Variants in EBF2 observed in about 807,000 individuals in gnomAD.
EBF2 encodes transcription factor COE2.
EBF2 carries 21 observed loss-of-function variants against 72.8 expected under a neutral mutation model. The ratio of observed to expected loss-of-function variants is 0.29; its 90% CI spans 0.20 to 0.42. EBF2 has a LOEUF of 0.42. Among genes scored for constraint, EBF2 ranks in the 10% least tolerant of loss-of-function variants. EBF2 has a pLI of 1.00. For synonymous variants in EBF2, 299 were observed against 274.2 expected, an observed-to-expected ratio of 1.09 and a Z score of -0.89; for missense variants, 637 against 731.2, an observed-to-expected ratio of 0.87 and a Z score of 1.49.
chr8:25,959,509 A>G (rs956196714), intron 6 of EBF2, among the ~76,000 whole-genome samples: 2 of 152,308 alleles, frequency 1.3e-5, no homozygotes, highest in African/African-American at 2.4e-5. Flanking sequence ...CTGGCCTAAG[A>G]TATCTTTTTA....
At chr8:25,881,698 A>G (rs566639924) in intron 10 of EBF2, among the ~76,000 whole-genome samples, 3 of 152,314 alleles carry the variant, frequency 2.0e-5, no homozygotes, top group African/African-American at 7.2e-5. Flanking sequence ...TACCTGCCCA[A>G]ATGTTGCATT....
At chr8:26,000,796 C>T (rs192755108) in intron 6 of EBF2, among the ~76,000 whole-genome samples, 1 of 152,316 alleles carries the variant, frequency 6.6e-6, no homozygotes, top group Non-Finnish European at 1.5e-5. Context: ...ATTAGCCAGG[C>T]GTTTGTTCTT....
At chr8:25,892,883 C>T (rs6987148) in intron 7 of EBF2, among the ~76,000 whole-genome samples, 65,622 of 152,000 alleles carry the variant, frequency 0.43, 16,114 homozygotes, top group East Asian at 0.72. Flanking sequence ...GCCTGTCTAG[C>T]GCTGTGTCTG....
intron 14 of EBF2, among the ~76,000 whole-genome samples, chr8:25,854,341 T>C (rs1802041671): frequency 6.6e-6 from 1 of 152,166 alleles, no homozygotes; most frequent in Admixed American, 6.5e-5. Flanking sequence ...CTCATATCTC[T>C]GTTCCCCATT....
At position 25,868,860 on chromosome 8, in the gene EBF2, C is replaced by T. The variant is rs566876563; in HGVS notation, c.1010-6063G>A. Among the ~76,000 whole-genome samples, 2 of 152,250 alleles carry T rather than the reference C, an allele frequency of 1.3e-5. 1 individual carries two copies. The highest frequency in any genetic ancestry group is 4.8e-5 in the African/African-American group (2 of 41,546). ...TTCCTAATTATTTGAGGTGTTGAGT[C>T]GCTCCATATATAAGGAATTTTGCTT... On this transcript the variant is annotated intron_variant, in intron 10 of 15. Coordinates refer to ENST00000520164, the MANE Select transcript of EBF2 (RefSeq NM_022659.4).
chr8:25,900,982 C>T (rs73553945), intron 7 of EBF2, among the ~76,000 whole-genome samples: 4 of 152,070 alleles, frequency 2.6e-5, no homozygotes, highest in African/African-American at 9.6e-5. Flanking sequence ...TTGCAATATT[C>T]CCAACGTAGA....
At chr8:25,847,390 C>G (rs190953870) in intron 15 of EBF2, among the ~76,000 whole-genome samples, 2 of 152,318 alleles carry the variant, frequency 1.3e-5, no homozygotes, top group East Asian at 3.9e-4. Context: ...TGTTCAGTGA[C>G]TGTGCATTAA....
At chr8:26,022,666 T>C (rs367778361) in intron 6 of EBF2, among the ~76,000 whole-genome samples, 2 of 152,202 alleles carry the variant, frequency 1.3e-5, no homozygotes, top group Non-Finnish European at 2.9e-5. Context: ...TCTTGTTAAA[T>C]GGGGGCAGCT....
At chr8:26,036,478 T>A (rs1182758198) in intron 5 of EBF2, among the ~76,000 whole-genome samples, 1 of 152,240 alleles carries the variant, frequency 6.6e-6, no homozygotes, top group Non-Finnish European at 1.5e-5. Flanking sequence ...AGAACTTGGT[T>A]GAATTAGCCC....
At chr8:25,844,768 C>T in intron 15 of EBF2, 128 bp from the exon 16 acceptor site, 6 of 1,181,282 alleles carry the variant, frequency 5.1e-6, no homozygotes, top group African/African-American at 1.5e-5. Flanking sequence ...GTGCCCTCAG[C>T]TGATATGAGG....
chr8:25,902,532 ATAAT>A (rs960183058), intron 7 of EBF2, among the ~76,000 whole-genome samples: 7 of 151,916 alleles, frequency 4.6e-5, no homozygotes, highest in African/African-American at 1.2e-4. Flanking sequence ...AATTATTTTA[ATAAT>A]TAATCTATTT....
chr8:25,901,188 C>A (rs891296095), intron 7 of EBF2, among the ~76,000 whole-genome samples: 1 of 151,932 alleles, frequency 6.6e-6, no homozygotes, highest in Non-Finnish European at 1.5e-5. Flanking sequence ...GAGGTTGAGA[C>A]GGGTGGGTGA....
At chr8:25,857,816 T>C (rs1334813507) in intron 14 of EBF2, among the ~76,000 whole-genome samples, 13 of 152,192 alleles carry the variant, frequency 8.5e-5, no homozygotes, top group Admixed American at 8.5e-4. Context: ...CATGGTGTGA[T>C]ACACAAAATA....
intron 6 of EBF2, among the ~76,000 whole-genome samples, chr8:25,946,835 A>G (rs1161547568): frequency 6.6e-6 from 1 of 152,158 alleles, no homozygotes; most frequent in Non-Finnish European, 1.5e-5. Flanking sequence ...CATCTATCTG[A>G]GGCTTACAAC....
chr8:25,975,568 A>G (rs551549677), intron 6 of EBF2, among the ~76,000 whole-genome samples: 1 of 152,340 alleles, frequency 6.6e-6, no homozygotes, highest in South Asian at 2.1e-4. Context: ...TAAATGAAAT[A>G]TTTGAAATGT....
At chr8:25,887,012 C>A in intron 9 of EBF2, 131 bp from the exon 10 acceptor site, 1 of 903,334 alleles carries the variant, frequency 1.1e-6, no homozygotes, top group Non-Finnish European at 1.6e-6. Flanking sequence ...AACTGGAGTA[C>A]TCCTAGCTCC....
At chr8:25,942,075 A>G (rs949724373) in intron 6 of EBF2, among the ~76,000 whole-genome samples, 7 of 152,164 alleles carry the variant, frequency 4.6e-5, no homozygotes, top group African/African-American at 1.7e-4. Flanking sequence ...CACTGGGGGA[A>G]AATTGTAAGA....
Position 26,033,076 on chromosome 8 carries a change from T to TC in EBF2, c.551+8dup. 1.2e-6 allele frequency: 2 copies of TC among 1,613,642 alleles called. No individual in the cohort carries two copies. The highest frequency in any genetic ancestry group is 1.3e-5 in the African/African-American group (1 of 75,036). ...CAAAAATGATTGAAAAATCACTTTT[T>TC]CCCCCTACCTGTCAATTATGACTGG... On this transcript the variant is annotated intron_variant, in intron 6 of 15. Coordinates refer to ENST00000520164, the MANE Select transcript of EBF2 (RefSeq NM_022659.4).
chr8:25,875,073 C>T (rs1355375272), intron 10 of EBF2, among the ~76,000 whole-genome samples: 2 of 152,064 alleles, frequency 1.3e-5, no homozygotes, highest in Non-Finnish European at 2.9e-5. Flanking sequence ...TTCTCTGTCT[C>T]CTGCAAAAAC....
Sources: allele counts gnomAD v4.1 joint callset (sites outside exome capture counted in the v4.1 genomes callset), GRCh38; gene constraint gnomAD v4.1.1; transcripts MANE v1.5; gene names NCBI Gene and HGNC (gene_info 2026-07-23, HGNC 2026-07-21).